Variants in CKAP2L observed in about 807,000 individuals in gnomAD.
CKAP2L encodes cytoskeleton-associated protein 2-like.
In CKAP2L, 42 loss-of-function variants were observed where a neutral mutation model predicts 65.7. That is an observed-to-expected ratio of 0.64 (90% CI 0.50 to 0.83). The LOEUF (loss-of-function observed/expected upper bound fraction) is 0.83. Among genes scored for constraint, CKAP2L ranks in the 40% least tolerant of loss-of-function variants. The pLI is 0.00. For missense variants in CKAP2L, 908 were observed against 871.0 expected (o/e 1.04, Z -0.53); for synonymous variants, 325 against 313.5 (o/e 1.04, Z -0.39).
intron 4 of CKAP2L, among the ~76,000 whole-genome samples, chr2:112,753,241 T>A (rs1164954743): frequency 6.6e-6 from 1 of 152,212 alleles, no homozygotes; most frequent in Non-Finnish European, 1.5e-5. Context: ...CTAGTTGATA[T>A]CTTTTGATGT....
At position 112,762,585 on chromosome 2, in the gene CKAP2L, G is replaced by A; in HGVS notation, c.38-16C>T. On this transcript the variant is annotated splice_polypyrimidine_tract_variant and intron_variant, in intron 1 of 8. Coordinates refer to ENST00000302450, the MANE Select transcript of CKAP2L (RefSeq NM_152515.5). ...TGCCGCTCTTCTGCAACACAGGCAA[G>A]CAAACAAACGACATAACTTTAGTTC... is the stretch of plus-strand genomic sequence containing the variant. The A allele has an allele frequency of 6.2e-7, 1 of 1,602,802 alleles. No homozygotes were observed. Among genetic ancestry groups the A allele is most frequent in the Non-Finnish European group, 8.5e-7 (1 of 1,169,732 alleles).
chr2:112,748,759 G>T (rs1001029235), intron 5 of CKAP2L, among the ~76,000 whole-genome samples: 5 of 152,056 alleles, frequency 3.3e-5, no homozygotes, highest in Non-Finnish European at 4.4e-5. Context: ...TACTCAGGAG[G>T]CTGAGGTGGA....
At chr2:112,753,228 C>T (rs551378848) in intron 4 of CKAP2L, among the ~76,000 whole-genome samples, 19 of 152,278 alleles carry the variant, frequency 1.2e-4, no homozygotes, top group African/African-American at 3.1e-4. Flanking sequence ...TAAAACCCAC[C>T]GCCTAGTTGA....
chr2:112,740,743 A>G (rs1009489519), intron 8 of CKAP2L, 75 bp downstream of exon 8: 3 of 1,248,882 alleles, frequency 2.4e-6, no homozygotes, highest in African/African-American at 3.0e-5. Context: ...GTTACTCTAG[A>G]TCTGTGAAGG....
At chr2:112,753,529 T>TC (rs1680442913) in intron 4 of CKAP2L, among the ~76,000 whole-genome samples, 2 of 134,114 alleles carry the variant, frequency 1.5e-5, no homozygotes, top group African/African-American at 6.5e-5. Context: ...TTCTTTTCTT[T>TC]TTTTTTTTTT....
rs185196981 is a variant in CKAP2L, at chr2:112,754,434, T to C, written c.1394+1543A>G. Among the ~76,000 whole-genome samples, 3 of 152,370 alleles carry C rather than the reference T, an allele frequency of 2.0e-5. No individual in the cohort carries two copies. In the East Asian group the frequency reaches 5.8e-4, roughly 29 times the overall value. ...AGACATTTGGCATGTGCTTCCTCCA[T>C]GTTCCTAGCATTTTCCCTATCTCCT... On this transcript the variant is annotated intron_variant, in intron 4 of 8. Transcript: ENST00000302450.
intron 1 of CKAP2L, among the ~76,000 whole-genome samples, chr2:112,763,549 G>GT (rs1050118620): frequency 6.6e-6 from 1 of 152,052 alleles, no homozygotes; most frequent in Non-Finnish European, 1.5e-5. Context: ...AACAATTACA[G>GT]TATAAGGTAA....
At position 112,747,650 on chromosome 2, in the gene CKAP2L, C is replaced by T. The variant is rs948152008; in HGVS notation, c.1603-1075G>A. Among the ~76,000 whole-genome samples the T allele has an allele frequency of 9.9e-5, 15 of 152,204 alleles. No individual in the cohort carries two copies. The East Asian group carries it at 2.5e-3, about 25-fold the overall frequency. ...TGGACCCAACGAATGGGGAGCACTACCATGCCCAGAAATCCAGGTACTGGC... is the reference window on the plus strand; with the variant it reads ...TGGACCCAACGAATGGGGAGCACTATCATGCCCAGAAATCCAGGTACTGGC... On this transcript the variant is annotated intron_variant, in intron 5 of 8. Coordinates refer to ENST00000302450, the MANE Select transcript of CKAP2L (RefSeq NM_152515.5).
In CKAP2L at chr2:112,756,514, A is replaced by T; in HGVS notation, c.857T>A (p.Leu286His). The change falls in exon 4 of 9, where the codon CTT (leucine) becomes CAT (histidine). Residue 286 changes from leucine to histidine, a missense_variant. Transcript: ENST00000302450. The stretch of plus-strand genomic sequence containing the variant: ...TTTCTTTGATGACTGAACTTTACTA[A>T]GGGTCCGAATAAAGTGAGAGGGAAC... Reference protein sequence around the residue: ...RTVPSHFIRTLSKVQSSKKPV... With the variant: ...RTVPSHFIRTHSKVQSSKKPV... The T allele has an allele frequency of 6.2e-7, 1 of 1,609,558 alleles. No homozygotes were observed.
intron 6 of CKAP2L, among the ~76,000 whole-genome samples, chr2:112,745,916 C>T (rs560000520): frequency 2.0e-5 from 3 of 152,014 alleles, no homozygotes; most frequent in South Asian, 4.1e-4. Flanking sequence ...AACAGAAACA[C>T]GTTTTCTGAA....
chr2:112,758,175 G>C (rs751739075), intron 3 of CKAP2L, among the ~76,000 whole-genome samples: 9 of 152,210 alleles, frequency 5.9e-5, no homozygotes, highest in Non-Finnish European at 1.2e-4. Context: ...GTTTAGTCAT[G>C]TGATTTAAGT....
At chr2:112,753,521 CTTTTCTTTTTTTT>C (rs1680441205) in intron 4 of CKAP2L, among the ~76,000 whole-genome samples, 5 of 98,190 alleles carry the variant, frequency 5.1e-5, no homozygotes, top group African/African-American at 1.8e-4. Flanking sequence ...CTTAAAGTTT[CTTTTCTTTTTTTT>C]TTTTTTTTTT....
chr2:112,753,783 C>A (rs1019160093), intron 4 of CKAP2L, among the ~76,000 whole-genome samples: 2 of 152,148 alleles, frequency 1.3e-5, no homozygotes, highest in African/African-American at 2.4e-5. Flanking sequence ...CCACTTCAGC[C>A]TCCCAAGGTG....
At chr2:112,760,333 C>T (rs562675963) in intron 3 of CKAP2L, among the ~76,000 whole-genome samples, 11 of 152,154 alleles carry the variant, frequency 7.2e-5, no homozygotes, top group East Asian at 5.8e-4. Flanking sequence ...AATAGCTATA[C>T]GACCTATTTA....
intron 5 of CKAP2L, among the ~76,000 whole-genome samples, chr2:112,748,080 T>C (rs2104870862): frequency 6.6e-6 from 1 of 152,340 alleles, no homozygotes; most frequent in South Asian, 2.1e-4. Flanking sequence ...CATTACTCAA[T>C]AACTCCAATA....
chr2:112,752,031 T>C (rs1162927078), intron 5 of CKAP2L, among the ~76,000 whole-genome samples: 4 of 152,216 alleles, frequency 2.6e-5, no homozygotes, highest in African/African-American at 9.6e-5. Flanking sequence ...AAAGTGGTCA[T>C]AGTAACAGTG....
chr2:112,755,708 C>T lies in CKAP2L; in HGVS notation c.1394+269G>A, dbSNP rs908310198. 4.6e-5 allele frequency among the ~76,000 whole-genome samples: 7 copies of T among 151,860 alleles called. 1 individual carries two copies. Among genetic ancestry groups the T allele is most frequent in the African/African-American group, 1.7e-4 (7 of 41,386 alleles). ...CTACATCTGCACCCCCTACTTCTTACTCATCCATTCTGTTTCAATTTCTTA... is the reference window on the plus strand; with the variant it reads ...CTACATCTGCACCCCCTACTTCTTATTCATCCATTCTGTTTCAATTTCTTA... On this transcript the variant is annotated intron_variant, in intron 4 of 8. Transcript: ENST00000302450.
intron 5 of CKAP2L, among the ~76,000 whole-genome samples, chr2:112,750,089 A>C (rs1680320260): frequency 6.6e-6 from 1 of 152,102 alleles, no homozygotes; most frequent in African/African-American, 2.4e-5. Context: ...TCTGCTGGGT[A>C]GTATGCCTTC....
chr2:112,760,718 T>G lies in CKAP2L; in HGVS notation c.151A>C (p.Lys51Gln). 1 of 1,473,104 alleles carries G rather than the reference T, an allele frequency of 6.8e-7. No individual in the cohort carries two copies. Among genetic ancestry groups the G allele is most frequent in the East Asian group, 2.3e-5 (1 of 42,654 alleles). 91.3% of individuals were successfully genotyped at this position (1,473,104 alleles called of 1,614,324 possible). A position where few individuals can be genotyped will look rare whatever the true frequency, so the allele number is the denominator to read the frequency against. ...AAAGACTAATTTCTACTTACAGATT[T>G]AGAAGGTGGTTGATTCTGGCAATTA... ...KNNCQNQPPS[K>Q]STIRPKNDVT... is the part of the protein sequence containing the mutation. Residue 51 changes from lysine (K) to glutamine (Q), a missense_variant, in exon 3 of 9, where the codon AAA becomes CAA. Physicochemically the swap from Lys to Gln is moderately conservative, Grantham distance 53. Coordinates refer to ENST00000302450, the MANE Select transcript of CKAP2L (RefSeq NM_152515.5).
Sources: allele counts gnomAD v4.1 joint callset (sites outside exome capture counted in the v4.1 genomes callset), GRCh38; gene constraint gnomAD v4.1.1; transcripts MANE v1.5; gene names NCBI Gene and HGNC (gene_info 2026-07-23, HGNC 2026-07-21).